MBP: variants seen among roughly 807,000 people sequenced by gnomAD.
MBP encodes the protein Golli-MBP.
A neutral mutation model predicts 35.8 loss-of-function variants in MBP; 16 were observed. The observed-to-expected ratio is 0.45, with a 90% CI of 0.30 to 0.68. The LOEUF (loss-of-function observed/expected upper bound fraction) is 0.68, where lower values mean the gene tolerates loss of function less well. MBP is among the 30% of genes least tolerant of loss of function. The pLI is 0.08. For missense variants in MBP, 380 were observed against 404.7 expected, an observed-to-expected ratio of 0.94 and a Z score of 0.52; for synonymous variants, 143 against 159.6, an observed-to-expected ratio of 0.90 and a Z score of 0.78.
At chr18:77,121,593 T>C (rs1976886097) in intron 1 of MBP, among the ~76,000 whole-genome samples, 1 of 152,220 alleles carries the variant, frequency 6.6e-6, no homozygotes, top group Non-Finnish European at 1.5e-5. Context: ...TGTCTTCAAA[T>C]ATGTCTCGGC....
intron 3 of MBP, among the ~76,000 whole-genome samples, chr18:77,064,518 G>A (rs948285398): frequency 4.6e-5 from 7 of 152,026 alleles, no homozygotes; most frequent in African/African-American, 1.7e-4. Flanking sequence ...TCAGTCTCTG[G>A]GCCTTTGAGT....
intron 3 of MBP, among the ~76,000 whole-genome samples, chr18:77,053,176 T>C (rs1304444605): frequency 1.3e-5 from 2 of 152,166 alleles, no homozygotes; most frequent in East Asian, 1.9e-4. Flanking sequence ...GGCTTAGTGA[T>C]AGGAGCCCTG....
chr18:77,010,247 A>T, intron 4 of MBP: 1 of 346,398 alleles, frequency 2.9e-6, no homozygotes, highest in Non-Finnish European at 5.4e-6. Context: ...GTATCAAACA[A>T]TGGGACCAAG....
Position 77,084,426 on chromosome 18 carries a change from CCACACCACACACACACACA to C in MBP, c.52-18060_52-18042del, listed in dbSNP as rs1271783085. ...TCACAACACCGCCCCCCCCGCCACA[CCACACCACACACACACACA>C]CACACACACACACACACACACACAC... is the stretch of plus-strand genomic sequence containing the variant. On this transcript the variant is annotated intron_variant, in intron 2 of 8. Coordinates refer to ENST00000355994, the MANE Select transcript of MBP (RefSeq NM_001025101.2). 1.4e-4 allele frequency among the ~76,000 whole-genome samples: 8 copies of C among 58,514 alleles called. No individual in the cohort carries two copies. In the South Asian group the frequency reaches 3.3e-3, roughly 24 times the overall value. The allele number at this position is 58,514 out of a possible 152,430, so 38.4% of individuals were successfully genotyped here.
In MBP at chr18:77,012,255, A is replaced by AC. The variant is rs567986501; in HGVS notation, c.576+4576dup. Reference sequence around the variant, plus strand: ...ATTTCAGTGTCTCGAGGTTCCCATGACCCCCGTTGTGTGTGAGCTCCCGGG... The same window carrying AC: ...ATTTCAGTGTCTCGAGGTTCCCATGACCCCCCGTTGTGTGTGAGCTCCCGGG... On this transcript the variant is annotated intron_variant, in intron 4 of 8. Transcript: ENST00000355994. Among the ~76,000 whole-genome samples the AC allele has an allele frequency of 2.9e-3, 438 of 151,952 alleles. 3 individuals are homozygous for AC. Among genetic ancestry groups the AC allele is most frequent in the African/African-American group, 0.01 (419 of 41,416 alleles).
At chr18:77,036,086 C>T (rs1351100766) in intron 3 of MBP, among the ~76,000 whole-genome samples, 6 of 151,624 alleles carry the variant, frequency 4.0e-5, no homozygotes, top group African/African-American at 1.2e-4. Flanking sequence ...GTGCTGGTCA[C>T]GTTTTGGAGG....
chr18:77,124,372 C>T (rs1375933360), intron 1 of MBP, among the ~76,000 whole-genome samples: 5 of 152,220 alleles, frequency 3.3e-5, no homozygotes, highest in Non-Finnish European at 1.5e-5. Flanking sequence ...AATCCCTTTA[C>T]TCTTAAAGGA....
intron 3 of MBP, among the ~76,000 whole-genome samples, chr18:77,045,912 T>A (rs1409117595): frequency 6.6e-6 from 1 of 152,178 alleles, no homozygotes; most frequent in Non-Finnish European, 1.5e-5. Context: ...AGGTGAGTAT[T>A]GGGCACTAAT....
chr18:77,010,691 T>G (rs2123410069), intron 4 of MBP, among the ~76,000 whole-genome samples: 1 of 152,340 alleles, frequency 6.6e-6, no homozygotes, highest in South Asian at 2.1e-4. Context: ...AGCTACGCAT[T>G]CACCTGAGCT....
rs1216753947 is a variant in MBP, at chr18:77,028,710, C to T, written c.140-11442G>A. 7.5e-5 allele frequency among the ~76,000 whole-genome samples: 7 copies of T among 93,018 alleles called. 1 individual carries two copies. Among genetic ancestry groups the T allele is most frequent in the East Asian group, 3.4e-4 (1 of 2,928 alleles). The allele number at this position is 93,018 out of a possible 152,430, so 61.0% of individuals were successfully genotyped here. On this transcript the variant is annotated intron_variant, in intron 3 of 8. Coordinates refer to ENST00000355994, the MANE Select transcript of MBP (RefSeq NM_001025101.2). ...AGTAGGGGCGGCCGGGCAGAGGCGC[C>T]CCTCACCTCCCGGACGGGGCGGCTG...
chr18:77,105,461 A>G (rs1347384892), intron 1 of MBP, among the ~76,000 whole-genome samples, 175 bp from the exon 2 acceptor site: 1 of 152,210 alleles, frequency 6.6e-6, no homozygotes, highest in African/African-American at 2.4e-5. Flanking sequence ...AACACATGCT[A>G]TCTTTCCATC....
intron 3 of MBP, among the ~76,000 whole-genome samples, chr18:77,025,850 C>G (rs1972198803): frequency 6.6e-6 from 1 of 152,142 alleles, no homozygotes. Flanking sequence ...CACCCCACAC[C>G]CTGAGTAAAC....
rs11150999 is a variant in MBP, at chr18:77,055,477, G to T, written c.139+10821C>A. Among the ~76,000 whole-genome samples the T allele has an allele frequency of 8.0e-3, 1,225 of 152,242 alleles. 15 individuals are homozygous for T. Among genetic ancestry groups the T allele is most frequent in the African/African-American group, 0.027 (1,130 of 41,544 alleles). ...TCCCTGGCTGGGAAAGATGAACTGC[G>T]CTTAAAATGGGCTCAGTTTTCTTTT... is the stretch of plus-strand genomic sequence containing the variant. On this transcript the variant is annotated intron_variant, in intron 3 of 8. Coordinates refer to ENST00000355994, the MANE Select transcript of MBP (RefSeq NM_001025101.2).
At chr18:76,998,053 T>G (rs1197610892) in intron 4 of MBP, among the ~76,000 whole-genome samples, 2 of 152,232 alleles carry the variant, frequency 1.3e-5, no homozygotes, top group African/African-American at 4.8e-5. Context: ...CTAACAATTT[T>G]TAAGTGTGCA....
At chr18:77,069,004 CT>C in intron 2 of MBP, 1 of 484,480 alleles carries the variant, frequency 2.1e-6, no homozygotes, top group Non-Finnish European at 4.1e-6. Flanking sequence ...ACCCCCATGG[CT>C]TCCAGGCTCC....
intron 4 of MBP, chr18:77,015,103 A>G: frequency 1.0e-6 from 1 of 983,570 alleles, no homozygotes; most frequent in Non-Finnish European, 1.2e-6. Flanking sequence ...TAAAGGAAGA[A>G]AAACATCTAT....
At chr18:77,119,063 C>T (rs1236398958) in intron 1 of MBP, among the ~76,000 whole-genome samples, 1 of 152,120 alleles carries the variant, frequency 6.6e-6, no homozygotes, top group African/African-American at 2.4e-5. Flanking sequence ...GTGAGGGCAG[C>T]TGACAGGGGA....
At chr18:77,031,018 C>CAT (rs930715689) in intron 3 of MBP, among the ~76,000 whole-genome samples, 5 of 151,950 alleles carry the variant, frequency 3.3e-5, no homozygotes, top group African/African-American at 1.2e-4. Flanking sequence ...ACTCTAAAGC[C>CAT]ATACAGACAC....
At chr18:77,035,986 G>A (rs7236892) in intron 3 of MBP, among the ~76,000 whole-genome samples, 1,673 of 152,258 alleles carry the variant, frequency 0.011, 26 homozygotes, top group African/African-American at 0.037. Flanking sequence ...AAATAGAACC[G>A]TCAGTTCTTG....
Sources: allele counts gnomAD v4.1 joint callset (sites outside exome capture counted in the v4.1 genomes callset), GRCh38; gene constraint gnomAD v4.1.1; transcripts MANE v1.5; gene names NCBI Gene and HGNC (gene_info 2026-07-23, HGNC 2026-07-21).